PRCC: variants seen among roughly 807,000 people sequenced by gnomAD.
PRCC encodes proline-rich protein PRCC.
Under a neutral mutation model 44.0 loss-of-function variants are expected in PRCC, and 10 were observed. The observed-to-expected ratio is 0.23, with a 90% confidence interval of 0.14 to 0.39. The LOEUF is 0.39. Ranked by LOEUF, PRCC falls within the 10% of genes least tolerant of loss-of-function variation. The pLI, the probability that PRCC is intolerant of heterozygous loss-of-function variation, is 1.00. For missense variants in PRCC, 573 were observed against 624.7 expected (o/e 0.92, Z 0.88); for synonymous variants, 278 against 259.5 (o/e 1.07, Z -0.69).
intron 1 of PRCC, among the ~76,000 whole-genome samples, chr1:156,780,772 C>T (rs1255233310): frequency 6.6e-6 from 1 of 152,016 alleles, no homozygotes; most frequent in Non-Finnish European, 1.5e-5. Flanking sequence ...CTTGCTCTGT[C>T]ACCCAGACTG....
At chr1:156,777,732 C>G (rs184428480) in intron 1 of PRCC, among the ~76,000 whole-genome samples, 2 of 151,994 alleles carry the variant, frequency 1.3e-5, no homozygotes, top group African/African-American at 4.8e-5. Flanking sequence ...GTAGGGACAC[C>G]TAGTGAAAAG....
At chr1:156,786,260 C>T (rs1174977641) in intron 2 of PRCC, among the ~76,000 whole-genome samples, 1 of 152,132 alleles carries the variant, frequency 6.6e-6, no homozygotes, top group Admixed American at 6.6e-5. Context: ...CTGGAGAGAC[C>T]TGGGCTTTTG....
intron 1 of PRCC, among the ~76,000 whole-genome samples, chr1:156,771,113 G>A (rs1651618714): frequency 6.6e-6 from 1 of 152,212 alleles, no homozygotes; most frequent in African/African-American, 2.4e-5. Flanking sequence ...TAAGGCTGAA[G>A]AAAGGGTAGT....
intron 4 of PRCC, among the ~76,000 whole-genome samples, chr1:156,792,360 C>T (rs978414909): frequency 6.6e-6 from 1 of 152,000 alleles, no homozygotes. Flanking sequence ...TAGGAGACTT[C>T]CTGAAAGTTC....
At chr1:156,779,103 AATATATATAT>A (rs1491379076) in intron 1 of PRCC, among the ~76,000 whole-genome samples, 4 of 28,004 alleles carry the variant, frequency 1.4e-4, no homozygotes, top group African/African-American at 2.7e-4. Context: ...CCGGCCGGGT[AATATATATAT>A]ATATATATAT....
chr1:156,793,060 C>T (rs1303617410), intron 4 of PRCC, among the ~76,000 whole-genome samples: 3 of 152,162 alleles, frequency 2.0e-5, no homozygotes, highest in Admixed American at 2.0e-4. Context: ...GAGGGATCTG[C>T]AGAAATAGGG....
chr1:156,773,846 A>G (rs1651720241), intron 1 of PRCC, among the ~76,000 whole-genome samples: 1 of 152,230 alleles, frequency 6.6e-6, no homozygotes, highest in African/African-American at 2.4e-5. Flanking sequence ...GGTGGCAACA[A>G]CCCAAGTGTT....
At chr1:156,768,805 C>G (rs895355888) in intron 1 of PRCC, among the ~76,000 whole-genome samples, 1 of 152,156 alleles carries the variant, frequency 6.6e-6, no homozygotes, top group Non-Finnish European at 1.5e-5. Context: ...TTACAGAGCT[C>G]TGGGAGGTAA....
At chr1:156,775,739 G>A (rs569273045) in intron 1 of PRCC, among the ~76,000 whole-genome samples, 1 of 152,124 alleles carries the variant, frequency 6.6e-6, no homozygotes, top group Admixed American at 6.6e-5. Context: ...TCGAACTCCT[G>A]ATCTTGTGAT....
chr1:156,768,226 T>C lies in PRCC; in HGVS notation c.455T>C (p.Leu152Ser), dbSNP rs925929279. The C allele has an allele frequency of 1.3e-6, 2 of 1,541,400 alleles. No individual in the cohort carries two copies. Among genetic ancestry groups the C allele is most frequent in the African/African-American group, 2.7e-5 (2 of 72,976 alleles). The change falls in exon 1 of 7, where the codon TTG becomes TCG. Residue 152 changes from leucine to serine, a missense_variant. Around this residue, in one of 4 missense-constraint regions of PRCC, gnomAD observed 118 missense variants for 166.7 expected, o/e 0.71. Coordinates refer to ENST00000271526, the MANE Select transcript of PRCC (RefSeq NM_005973.5). ...KEPVKIAAPE[L>S]HKGDSDSEED... ...CCCGTGAAGATCGCGGCGCCGGAGTTGCATAAGGGAGATGTGAGTATCCGG... is the reference window on the plus strand; with the variant it reads ...CCCGTGAAGATCGCGGCGCCGGAGTCGCATAAGGGAGATGTGAGTATCCGG...
intron 1 of PRCC, among the ~76,000 whole-genome samples, chr1:156,778,771 CAG>C (rs1571578197): frequency 6.6e-6 from 1 of 150,856 alleles, no homozygotes; most frequent in Non-Finnish European, 1.5e-5. Context: ...TTTGTGGAGA[CAG>C]AGTTTCACCA....
At chr1:156,791,639 C>G in intron 3 of PRCC, 58 bp from the exon 4 acceptor site, 1 of 1,496,994 alleles carries the variant, frequency 6.7e-7, no homozygotes, top group Non-Finnish European at 9.2e-7. Flanking sequence ...CAGACCTTAC[C>G]TTCCCCTCTC....
At chr1:156,777,735 G>C (rs548598639) in intron 1 of PRCC, among the ~76,000 whole-genome samples, 50 of 152,308 alleles carry the variant, frequency 3.3e-4, no homozygotes, top group African/African-American at 1.2e-3. Context: ...GGGACACCTA[G>C]TGAAAAGGAG....
intron 1 of PRCC, among the ~76,000 whole-genome samples, chr1:156,780,299 TC>T (rs1652009453): frequency 6.6e-6 from 1 of 151,424 alleles, no homozygotes; most frequent in South Asian, 2.1e-4. Flanking sequence ...GCTCAAGTAA[TC>T]CTCCCGCCTT....
At chr1:156,787,963 C>T (rs1351088066) in intron 3 of PRCC, among the ~76,000 whole-genome samples, 1 of 152,150 alleles carries the variant, frequency 6.6e-6, no homozygotes, top group Non-Finnish European at 1.5e-5. Flanking sequence ...TCCCAAATAG[C>T]TGGGACTACA....
intron 1 of PRCC, among the ~76,000 whole-genome samples, chr1:156,780,962 C>T (rs1368422997): frequency 6.6e-6 from 1 of 152,144 alleles, no homozygotes; most frequent in Non-Finnish European, 1.5e-5. Context: ...CTCCTGACCT[C>T]AGGTGATCTG....
Position 156,786,741 on chromosome 1 carries a change from C to T in PRCC, c.650C>T (p.Pro217Leu), listed in dbSNP as rs1014675398. 6.8e-6 allele frequency: 11 copies of T among 1,614,064 alleles called. No individual in the cohort carries two copies. Among genetic ancestry groups the T allele is most frequent in the Non-Finnish European group, 8.5e-6 (10 of 1,180,046 alleles). ...TCGGATGGCTCCCCTGATACTAAGC[C>T]CTCCAGACTGGCTTCTAAGACCAAG... is the stretch of plus-strand genomic sequence containing the variant. ...KPSDGSPDTK[P>L]SRLASKTKTS... The change falls in exon 3 of 7, where the codon CCC becomes CTC. Residue 217 changes from proline (P) to leucine (L), a missense_variant. This residue lies in a region of PRCC where 118 missense variants were observed against 166.7 expected (regional missense o/e 0.71). Coordinates refer to ENST00000271526, the MANE Select transcript of PRCC (RefSeq NM_005973.5).
At chr1:156,768,467 A>G (rs1651503191) in intron 1 of PRCC, among the ~76,000 whole-genome samples, 1 of 152,210 alleles carries the variant, frequency 6.6e-6, no homozygotes, top group Non-Finnish European at 1.5e-5. Context: ...AGAAGGCCAC[A>G]TGTCATCATC....
chr1:156,795,392 A>G (rs1652631942), intron 5 of PRCC, among the ~76,000 whole-genome samples: 1 of 143,624 alleles, frequency 7.0e-6, no homozygotes, highest in Non-Finnish European at 1.5e-5. Context: ...GGCTCAAGTG[A>G]TCCTCACACC....
Sources: allele counts gnomAD v4.1 joint callset (sites outside exome capture counted in the v4.1 genomes callset), GRCh38; gene constraint gnomAD v4.1.1; regional missense constraint gnomAD v4.1.1; transcripts MANE v1.5; gene names NCBI Gene and HGNC (gene_info 2026-07-23, HGNC 2026-07-21).